The following IPCEF1 variants were observed in gnomAD, a reference collection of about 807,000 sequenced individuals.
IPCEF1 encodes interactor protein for cytohesin exchange factors 1.
Under a neutral mutation model 50.9 loss-of-function variants are expected in IPCEF1, and 31 were observed. The observed-to-expected ratio is 0.61, with a 90% CI of 0.46 to 0.82. IPCEF1 has a LOEUF of 0.82. Ranked by LOEUF, IPCEF1 falls within the 40% of genes least tolerant of loss-of-function variation. The pLI, the probability that IPCEF1 is intolerant of heterozygous loss-of-function variation, is 0.00. For synonymous variants in IPCEF1, 181 were observed against 192.0 expected (o/e 0.94, Z 0.47); for missense variants, 458 against 514.0 (o/e 0.89, Z 1.05).
intron 5 of IPCEF1, among the ~76,000 whole-genome samples, chr6:154,229,450 C>T (rs571383934): frequency 1.7e-4 from 25 of 150,308 alleles, no homozygotes; most frequent in African/African-American, 5.1e-4. Flanking sequence ...CCTGGGTTCA[C>T]GCCATTCTCC....
chr6:154,329,012 T>C (rs750247446), intron 1 of IPCEF1, among the ~76,000 whole-genome samples: 4 of 152,156 alleles, frequency 2.6e-5, no homozygotes, highest in Non-Finnish European at 5.9e-5. Flanking sequence ...TCAAAGCAAC[T>C]TAGTATAAAT....
intron 1 of IPCEF1, among the ~76,000 whole-genome samples, chr6:154,319,100 G>T (rs1294262826): frequency 6.6e-6 from 1 of 152,112 alleles, no homozygotes; most frequent in African/African-American, 2.4e-5. Context: ...TAGTACTCTG[G>T]TTATAATTGA....
intron 5 of IPCEF1, among the ~76,000 whole-genome samples, chr6:154,239,050 C>T (rs570750622): frequency 2.0e-5 from 3 of 152,050 alleles, no homozygotes; most frequent in African/African-American, 7.2e-5. Flanking sequence ...GAAGACTGTC[C>T]TCTAAAATAC....
intron 2 of IPCEF1, among the ~76,000 whole-genome samples, chr6:154,269,118 G>C (rs1781832809): frequency 1.3e-5 from 2 of 152,164 alleles, no homozygotes; most frequent in South Asian, 4.2e-4. Flanking sequence ...TAGGCAGGGT[G>C]GTTCAATATA....
At chr6:154,188,871 TAACGTTTATAA>T (rs1363561577) in intron 10 of IPCEF1, among the ~76,000 whole-genome samples, 1 of 152,170 alleles carries the variant, frequency 6.6e-6, no homozygotes, top group Non-Finnish European at 1.5e-5. Context: ...CCAAGTGGAC[TAACGTTTATAA>T]AATATGGAAG....
chr6:154,214,806 G>T (rs1209565248), intron 7 of IPCEF1, among the ~76,000 whole-genome samples: 1 of 152,132 alleles, frequency 6.6e-6, no homozygotes, highest in South Asian at 2.1e-4. Context: ...ATTCCTTGAA[G>T]AATTTTATGT....
At chr6:154,293,158 T>C (rs1490940428) in intron 1 of IPCEF1, among the ~76,000 whole-genome samples, 1 of 152,354 alleles carries the variant, frequency 6.6e-6, no homozygotes, top group East Asian at 1.9e-4. Context: ...TCACAACTTA[T>C]AACATGAATC....
chr6:154,208,369 C>T (rs950242749), intron 9 of IPCEF1, among the ~76,000 whole-genome samples: 7 of 152,182 alleles, frequency 4.6e-5, no homozygotes, highest in East Asian at 1.9e-4. Flanking sequence ...TTCAAGGTTT[C>T]GCTCAGATCT....
At chr6:154,275,443 G>C (rs1980380) in intron 2 of IPCEF1, among the ~76,000 whole-genome samples, 144,625 of 152,282 alleles carry the variant, frequency 0.95, 68,720 homozygotes, top group East Asian at 1. Flanking sequence ...AATAACATCC[G>C]CAATTCCTAG....
At chr6:154,283,109 C>T (rs948367273) in intron 2 of IPCEF1, among the ~76,000 whole-genome samples, 2 of 151,588 alleles carry the variant, frequency 1.3e-5, no homozygotes, top group African/African-American at 2.4e-5. Flanking sequence ...GCCTGGTCAA[C>T]ATGGTGAAAC....
intron 7 of IPCEF1, among the ~76,000 whole-genome samples, chr6:154,215,022 T>C (rs1778273856): frequency 1.3e-5 from 2 of 152,330 alleles, no homozygotes; most frequent in Admixed American, 1.3e-4. Context: ...CTATGACATA[T>C]ACTCCTAACT....
rs538101272 is a variant in IPCEF1, at chr6:154,230,388, A to G, written c.247-7145T>C. Among the ~76,000 whole-genome samples, 5 of 152,340 alleles carry G rather than the reference A, an allele frequency of 3.3e-5. No homozygotes were observed. In the South Asian group the frequency reaches 1.0e-3, roughly 32 times the overall value. On this transcript the variant is annotated intron_variant, in intron 5 of 11. Transcript: ENST00000367220. ...GCTGTGAGCCTAAAACTGCTCTAAA[A>G]AAATTAAGTCTTTTAGAAATTAACT...
intron 10 of IPCEF1, among the ~76,000 whole-genome samples, chr6:154,181,378 C>T (rs979814059): frequency 1.3e-5 from 2 of 152,116 alleles, no homozygotes; most frequent in African/African-American, 2.4e-5. Flanking sequence ...TCTTTTAACA[C>T]TTCTATGAGA....
At chr6:154,320,269 C>T (rs1783340101) in intron 1 of IPCEF1, among the ~76,000 whole-genome samples, 2 of 152,176 alleles carry the variant, frequency 1.3e-5, no homozygotes, top group Non-Finnish European at 1.5e-5. Flanking sequence ...TCAACTATTT[C>T]AAGACTTATT....
At chr6:154,355,708 C>A (rs530788464) in intron 1 of IPCEF1, among the ~76,000 whole-genome samples, 2 of 152,000 alleles carry the variant, frequency 1.3e-5, no homozygotes, top group Admixed American at 1.3e-4. Context: ...AGGCTGGTCT[C>A]GAACTCCTGA....
chr6:154,257,250 A>G (rs985985370), intron 3 of IPCEF1, among the ~76,000 whole-genome samples: 3 of 152,114 alleles, frequency 2.0e-5, no homozygotes, highest in African/African-American at 7.2e-5. Flanking sequence ...ATTTATCTTT[A>G]GCTCCTTTCA....
intron 9 of IPCEF1, among the ~76,000 whole-genome samples, chr6:154,208,087 G>A (rs1777648486): frequency 1.3e-5 from 2 of 151,520 alleles, no homozygotes; most frequent in African/African-American, 2.4e-5. Context: ...CAGATTGGGG[G>A]CTCCATTTGA....
chr6:154,214,371 T>A (rs1778213859), intron 7 of IPCEF1, 95 bp from the exon 8 acceptor site: 1 of 871,650 alleles, frequency 1.1e-6, no homozygotes. Context: ...AGGTCATGAT[T>A]CTACCATCAG....
intron 5 of IPCEF1, among the ~76,000 whole-genome samples, chr6:154,237,705 C>T (rs1266039867): frequency 3.3e-5 from 5 of 152,098 alleles, no homozygotes; most frequent in Non-Finnish European, 4.4e-5. Flanking sequence ...GATTAGAATC[C>T]AGGTGCCATT....
Sources: allele counts gnomAD v4.1 joint callset (sites outside exome capture counted in the v4.1 genomes callset), GRCh38; gene constraint gnomAD v4.1.1; transcripts MANE v1.5; gene names NCBI Gene and HGNC (gene_info 2026-07-23, HGNC 2026-07-21).